The following CAST variants were observed in gnomAD, a reference collection of about 807,000 sequenced individuals.
CAST encodes MIR583 host.
In CAST, 76 loss-of-function variants were observed where a neutral mutation model predicts 119.6. The observed-to-expected ratio is 0.64, with a 90% CI of 0.53 to 0.77. The LOEUF is 0.77. Ranked by LOEUF, CAST falls within the 30% of genes least tolerant of loss-of-function variation. CAST has a pLI of 0.00. For missense variants in CAST, 953 were observed against 946.5 expected (o/e 1.01, Z -0.09); for synonymous variants, 319 against 331.6 (o/e 0.96, Z 0.41).
the CAST span, among the ~76,000 whole-genome samples, chr5:96,173,309 T>C: frequency 6.6e-6 from 1 of 152,232 alleles, no homozygotes; most frequent in Non-Finnish European, 1.5e-5. Context: ...ATCATATTAT[T>C]TGCAGTTGTG....
the CAST span, among the ~76,000 whole-genome samples, chr5:96,323,762 G>A: frequency 6.6e-6 from 1 of 152,142 alleles, no homozygotes; most frequent in Non-Finnish European, 1.5e-5. Context: ...GAACCATAGA[G>A]GCTATACAGT....
the CAST span, among the ~76,000 whole-genome samples, chr5:96,003,647 C>T: frequency 6.6e-6 from 1 of 151,856 alleles, no homozygotes; most frequent in African/African-American, 2.4e-5. Context: ...TCTTAGTTGA[C>T]AGAGATCATT....
the CAST span, among the ~76,000 whole-genome samples, chr5:96,440,659 C>T: frequency 6.6e-6 from 1 of 152,004 alleles, no homozygotes; most frequent in Non-Finnish European, 1.5e-5. Context: ...CAGAATTACT[C>T]AATCATTTAG....
the CAST span, chr5:96,416,205 T>C: frequency 1.1e-6 from 1 of 921,766 alleles, no homozygotes; most frequent in Non-Finnish European, 1.8e-6. Context: ...GGGGCATAGG[T>C]ATATTAACTT....
At position 96,729,682 on chromosome 5, in the gene CAST, G is replaced by A; in HGVS notation, c.506G>A (p.Arg169Lys). 1 of 1,592,556 alleles carries A rather than the reference G, an allele frequency of 6.3e-7. No individual in the cohort carries two copies. The part of the protein sequence containing the change: ...NDAHNKKAVS[R>K]SAEQQPSEKS... ...GCTCACAATAAAAAAGCAGTTTCCA[G>A]ATCAGCTGAACAGCAGCCATCAGAG... The change falls in exon 8 of 32, where the codon AGA (arginine) becomes AAA (lysine). Residue 169 changes from arginine (R) to lysine (K), a missense_variant. Physicochemically the swap from Arg to Lys is conservative, Grantham distance 26. Transcript: ENST00000675179.
intron 2 of CAST, among the ~76,000 whole-genome samples, chr5:96,680,414 C>G (rs1225280472): frequency 6.8e-6 from 1 of 146,276 alleles, no homozygotes; most frequent in Non-Finnish European, 1.5e-5. Flanking sequence ...AAATAAACAC[C>G]CTCATCTAGG....
chr5:96,147,763 T>C, the CAST span, among the ~76,000 whole-genome samples: 1 of 152,148 alleles, frequency 6.6e-6, no homozygotes, highest in Non-Finnish European at 1.5e-5. Context: ...ACCACACAAT[T>C]CTTTAGGTAA....
At chr5:96,551,897 G>A (rs568188415) in intron 1 of CAST, among the ~76,000 whole-genome samples, 1 of 152,172 alleles carries the variant, frequency 6.6e-6, no homozygotes, top group African/African-American at 2.4e-5. Flanking sequence ...ACCCAATAGA[G>A]GAGCACCGCG....
At chr5:96,206,035 T>C in the CAST span, among the ~76,000 whole-genome samples, 16 of 152,154 alleles carry the variant, frequency 1.1e-4, no homozygotes, top group East Asian at 1.9e-4. Context: ...TAGTATCTCA[T>C]TGTGGTTTTA....
At position 96,644,318 on chromosome 5, in the gene CAST, G is replaced by C. The variant is rs556105193; in HGVS notation, c.61-31221G>C. 9.3e-4 allele frequency among the ~76,000 whole-genome samples: 141 copies of C among 152,278 alleles called. 2 individuals carry two copies. In the South Asian group the frequency reaches 9.3e-3, roughly 10 times the overall value. On this transcript the variant is annotated intron_variant, in intron 1 of 11. Coordinates refer to the CAST transcript ENST00000505143. The stretch of plus-strand genomic sequence containing the variant: ...CATTTTATATTTACTGCTTCTCCAA[G>C]AATAAGGCATTCACAGCAGAAGTAG...
At chr5:95,965,565 GA>G in the CAST span, among the ~76,000 whole-genome samples, 1 of 152,178 alleles carries the variant, frequency 6.6e-6, no homozygotes, top group Non-Finnish European at 1.5e-5. Flanking sequence ...TTATAGCACA[GA>G]AGCTCTCTCA....
intron 3 of CAST, among the ~76,000 whole-genome samples, chr5:96,705,479 T>C (rs900040889): frequency 1.3e-5 from 2 of 152,146 alleles, no homozygotes; most frequent in Non-Finnish European, 2.9e-5. Context: ...TATTTGAACA[T>C]TGCGATTTGG....
At chr5:96,539,635 C>T (rs971474394) in intron 1 of CAST, among the ~76,000 whole-genome samples, 3 of 152,108 alleles carry the variant, frequency 2.0e-5, no homozygotes, top group Non-Finnish European at 2.9e-5. Context: ...CCTAAAAATT[C>T]CCTGCGTTTC....
chr5:96,147,375 C>A, the CAST span, among the ~76,000 whole-genome samples: 1 of 152,050 alleles, frequency 6.6e-6, no homozygotes, highest in African/African-American at 2.4e-5. Context: ...GAGGCCGAGG[C>A]GGGCGGATCA....
chr5:96,386,824 G>T, the CAST span, among the ~76,000 whole-genome samples: 34 of 152,196 alleles, frequency 2.2e-4, no homozygotes, highest in African/African-American at 7.9e-4. Context: ...AATTAGCTGG[G>T]CATGGAGGTG....
intron 1 of CAST, among the ~76,000 whole-genome samples, chr5:96,616,653 T>C (rs887039320): frequency 2.0e-5 from 3 of 151,990 alleles, no homozygotes; most frequent in African/African-American, 7.3e-5. Flanking sequence ...GGCTACAGGA[T>C]GTGGAGTTGG....
At chr5:96,692,539 T>G (rs1361727124) in intron 2 of CAST, among the ~76,000 whole-genome samples, 1 of 152,214 alleles carries the variant, frequency 6.6e-6, no homozygotes, top group East Asian at 1.9e-4. Context: ...CTGGCTTCTT[T>G]CTGCTCCTCC....
the CAST span, among the ~76,000 whole-genome samples, chr5:96,216,366 T>C: frequency 5.3e-5 from 8 of 152,300 alleles, no homozygotes; most frequent in African/African-American, 1.4e-4. Context: ...CTCACACGGG[T>C]AAGTAATAAA....
At chr5:96,288,246 G>A in the CAST span, among the ~76,000 whole-genome samples, 1 of 152,158 alleles carries the variant, frequency 6.6e-6, no homozygotes, top group Non-Finnish European at 1.5e-5. Context: ...TAGACACGGG[G>A]ACTGTTTTTT....
Sources: allele counts gnomAD v4.1 joint callset (sites outside exome capture counted in the v4.1 genomes callset), GRCh38; gene constraint gnomAD v4.1.1; transcripts MANE v1.5; gene names NCBI Gene and HGNC (gene_info 2026-07-23, HGNC 2026-07-21).